NEK6: variants seen among roughly 807,000 people sequenced by gnomAD.
NEK6 encodes the protein serine/threonine-protein kinase Nek6.
NEK6 carries 27 observed loss-of-function variants against 43.5 expected under a neutral mutation model. The ratio of observed to expected loss-of-function variants is 0.62; its 90% CI spans 0.46 to 0.86. The LOEUF (loss-of-function observed/expected upper bound fraction) is 0.86, where lower values mean the gene tolerates loss of function less well. Ranked by LOEUF, NEK6 falls within the 40% of genes least tolerant of loss-of-function variation. The probability of loss-of-function intolerance (pLI) is 0.00; values close to 1 mark genes in which losing one functional copy is unlikely to be tolerated. For synonymous variants in NEK6, 167 were observed against 164.1 expected (o/e 1.02, Z -0.14); for missense variants, 318 against 414.4 (o/e 0.77, Z 2.02).
chr9:124,285,868 A>G (rs1425638804), intron 1 of NEK6, among the ~76,000 whole-genome samples: 1 of 152,160 alleles, frequency 6.6e-6, no homozygotes, highest in Non-Finnish European at 1.5e-5. Flanking sequence ...CGGAGATAAT[A>G]ATTTACCTGT....
At chr9:124,312,056 C>T (rs1456408641) in intron 2 of NEK6, among the ~76,000 whole-genome samples, 2 of 152,288 alleles carry the variant, frequency 1.3e-5, no homozygotes, top group East Asian at 1.9e-4. Context: ...GGGAACTTGC[C>T]ATTTCTTATG....
intron 2 of NEK6, among the ~76,000 whole-genome samples, chr9:124,307,828 C>T (rs1214372991): frequency 2.0e-5 from 3 of 152,202 alleles, no homozygotes; most frequent in Non-Finnish European, 4.4e-5. Context: ...TCAGCCCCAC[C>T]GCCTCACTGC....
In NEK6 at chr9:124,326,528, C is replaced by A; in HGVS notation, c.514+90C>A. 1.0e-6 allele frequency: 1 copy of A among 976,024 alleles called. No individual in the cohort carries two copies. 60.5% of individuals were successfully genotyped at this position (976,024 alleles called of 1,614,324 possible). On this transcript the variant is annotated intron_variant, in intron 6 of 9. Transcript: ENST00000320246. The surrounding 1 kb of genome is among the most constrained non-coding windows in gnomAD (Gnocchi z 4.5). ...CTCCTCCAGGGTCCTCAGGGGCAGCCCCTTGAGGAAGTTGGACCGCTCTGT... is the reference window on the plus strand; with the variant it reads ...CTCCTCCAGGGTCCTCAGGGGCAGCACCTTGAGGAAGTTGGACCGCTCTGT...
rs531707536 is a variant in NEK6, at chr9:124,304,201, T to A, written c.90+2147T>A. Among the ~76,000 whole-genome samples the A allele has an allele frequency of 1.2e-4, 18 of 152,380 alleles. No individual in the cohort carries two copies. The South Asian group carries it at 3.3e-3, about 28-fold the overall frequency. On this transcript the variant is annotated intron_variant, in intron 2 of 9. Transcript: ENST00000320246. ...GGGAAAGGGGGACTTTCTCCTCGGCTCCTGAAGCCTTGGGGATTTAAACAC... is the reference window on the plus strand; with the variant it reads ...GGGAAAGGGGGACTTTCTCCTCGGCACCTGAAGCCTTGGGGATTTAAACAC...
At chr9:124,340,160 G>A (rs1175665051) in intron 8 of NEK6, among the ~76,000 whole-genome samples, 2 of 6,522 alleles carry the variant, frequency 3.1e-4, no homozygotes, top group African/African-American at 7.1e-4. Flanking sequence ...CCCCTGAGCT[G>A]TTAAATGGAG....
At chr9:124,284,853 C>A (rs945765067) in intron 1 of NEK6, among the ~76,000 whole-genome samples, 1 of 152,238 alleles carries the variant, frequency 6.6e-6, no homozygotes, top group Non-Finnish European at 1.5e-5. Context: ...AAGCCCCTGC[C>A]TCTGCTGTCT....
intron 7 of NEK6, among the ~76,000 whole-genome samples, chr9:124,328,213 T>C (rs1416884022): frequency 6.6e-6 from 1 of 152,118 alleles, no homozygotes; most frequent in African/African-American, 2.4e-5. Flanking sequence ...AAACTTGGAA[T>C]GCTGTACGAT....
At chr9:124,260,044 T>C (rs1830971589) in intron 1 of NEK6, among the ~76,000 whole-genome samples, 1 of 152,062 alleles carries the variant, frequency 6.6e-6, no homozygotes, top group African/African-American at 2.4e-5. Context: ...CTCCCGTTGG[T>C]CTTCTGTGAC....
At chr9:124,309,962 G>A (rs944659161) in intron 2 of NEK6, among the ~76,000 whole-genome samples, 14 of 152,348 alleles carry the variant, frequency 9.2e-5, no homozygotes, top group African/African-American at 2.6e-4. Context: ...TGAAGAGGCC[G>A]GTGGCGGGTC....
rs1426408328 is a variant in NEK6 at position 124,352,194 on chromosome 9, CAA to C, written c.*1248_*1249del. 8 of 152,644 alleles carry C rather than the reference CAA, an allele frequency of 5.2e-5. No individual in the cohort carries two copies. Among genetic ancestry groups the C allele is most frequent in the Non-Finnish European group, 5.9e-5 (4 of 68,050 alleles). The allele number at this position is 152,644 out of a possible 1,614,324, so 9.5% of individuals were successfully genotyped here. On this transcript the variant is annotated 3_prime_UTR_variant, in exon 10 of 10. Transcript: ENST00000320246. ...CTTCATGACAGTCTGGCCCTCCAGACAAGAGCAGCGCTGGCATCGGGCAGGTG... is the reference window on the plus strand; with the variant it reads ...CTTCATGACAGTCTGGCCCTCCAGACGAGCAGCGCTGGCATCGGGCAGGTG...
At chr9:124,279,925 C>G (rs927574399) in intron 1 of NEK6, among the ~76,000 whole-genome samples, 22 of 152,404 alleles carry the variant, frequency 1.4e-4, no homozygotes, top group Non-Finnish European at 2.5e-4. Context: ...ACCCCTCGGA[C>G]AGCACATGGC....
chr9:124,341,605 C>T (rs959741066), intron 8 of NEK6, among the ~76,000 whole-genome samples: 3 of 152,034 alleles, frequency 2.0e-5, no homozygotes, highest in Non-Finnish European at 4.4e-5. Context: ...GCAGCCATGG[C>T]GAGTGTGTAG....
At chr9:124,322,033 A>AAAAGAT (rs1834092198) in intron 5 of NEK6, among the ~76,000 whole-genome samples, 1 of 152,184 alleles carries the variant, frequency 6.6e-6, no homozygotes, top group Non-Finnish European at 1.5e-5. Flanking sequence ...TTGTAGATCC[A>AAAAGAT]CTACCTCATT....
At chr9:124,267,123 C>T (rs1831261155) in intron 1 of NEK6, among the ~76,000 whole-genome samples, 1 of 152,248 alleles carries the variant, frequency 6.6e-6, no homozygotes, top group South Asian at 2.1e-4. Flanking sequence ...TGAGGAAAGG[C>T]TAACCAAGCC....
At chr9:124,302,174 C>G (rs1833016836) in intron 2 of NEK6, 120 bp downstream of exon 2, 2 of 672,490 alleles carry the variant, frequency 3.0e-6, no homozygotes, top group Non-Finnish European at 4.9e-6. Flanking sequence ...AACAGAACCT[C>G]TTGAATGCTT....
chr9:124,347,407 G>C (rs1829993486), intron 8 of NEK6, among the ~76,000 whole-genome samples: 1 of 152,256 alleles, frequency 6.6e-6, no homozygotes, highest in African/African-American at 2.4e-5. Context: ...CCCCCGGGCT[G>C]AGGTGGGAGC....
chr9:124,264,831 A>T (rs1831163804), intron 1 of NEK6, among the ~76,000 whole-genome samples: 1 of 150,248 alleles, frequency 6.7e-6, no homozygotes, highest in African/African-American at 2.5e-5. Flanking sequence ...AAAAAAAAAA[A>T]AAAAAAAAGA....
chr9:124,286,089 G>T (rs958794340), intron 1 of NEK6, among the ~76,000 whole-genome samples: 1 of 146,098 alleles, frequency 6.8e-6, no homozygotes, highest in African/African-American at 2.5e-5. Flanking sequence ...GCCCTCCCCC[G>T]CAGTCAGACT....
At chr9:124,329,113 T>C (rs1367597514) in intron 7 of NEK6, among the ~76,000 whole-genome samples, 1 of 152,186 alleles carries the variant, frequency 6.6e-6, no homozygotes, top group Non-Finnish European at 1.5e-5. Flanking sequence ...GAGTCCCCCT[T>C]TGGGGACCCG....
Sources: gnomAD v4.1 joint callset for allele counts (sites outside exome capture counted in the v4.1 genomes callset) on GRCh38, gnomAD v4.1.1 for gene constraint, Gnocchi (gnomAD v3.1) non-coding constraint, MANE v1.5 for transcripts, NCBI Gene and HGNC (gene_info 2026-07-23, HGNC 2026-07-21) for gene names.